Variants in WDPCP observed in about 807,000 individuals in gnomAD.
WDPCP encodes the protein WD repeat-containing and planar cell polarity effector protein fritz homolog.
A neutral mutation model predicts 93.1 loss-of-function variants in WDPCP; 71 were observed. The ratio of observed to expected loss-of-function variants is 0.76; its 90% CI spans 0.63 to 0.93. The LOEUF (loss-of-function observed/expected upper bound fraction) is 0.93, where lower values mean the gene tolerates loss of function less well. WDPCP is among the 40% of genes least tolerant of loss of function. The pLI is 0.00. For synonymous variants in WDPCP, 315 were observed against 315.0 expected, an observed-to-expected ratio of 1.00 and a Z score of 0.00; for missense variants, 844 against 887.4, an observed-to-expected ratio of 0.95 and a Z score of 0.62.
chr2:63,414,470 T>TACAC (rs563655098), intron 9 of WDPCP, among the ~76,000 whole-genome samples: 1,581 of 117,100 alleles, frequency 0.014, 13 homozygotes, highest in South Asian at 0.031. Flanking sequence ...TACACACACA[T>TACAC]ATACACACAC....
chr2:63,229,887 A>G, intron 14 of WDPCP: 1 of 151,386 alleles, frequency 6.6e-6, no homozygotes, highest in South Asian at 1.7e-4. Context: ...TTCTCCAGAA[A>G]AAGGAAAAAA....
intron 17 of WDPCP, among the ~76,000 whole-genome samples, chr2:63,151,281 G>A (rs1574736508): frequency 6.6e-6 from 1 of 152,174 alleles, no homozygotes; most frequent in African/African-American, 2.4e-5. Context: ...GTGGAGTGCA[G>A]TGGTGTGATC....
At chr2:63,423,891 CCA>C (rs769947491) in intron 9 of WDPCP, among the ~76,000 whole-genome samples, 11 of 152,080 alleles carry the variant, frequency 7.2e-5, no homozygotes, top group Non-Finnish European at 1.3e-4. Flanking sequence ...CGTACCTCTA[CCA>C]CTGAGAGAGA....
chr2:63,171,335 G>A (rs959387955), intron 15 of WDPCP, among the ~76,000 whole-genome samples: 7 of 152,136 alleles, frequency 4.6e-5, no homozygotes, highest in African/African-American at 1.7e-4. Flanking sequence ...AGAATACATA[G>A]AAGTATCTTA....
In WDPCP at chr2:63,329,330, C is replaced by T. The variant is rs375047135; in HGVS notation, c.1749-16019G>A. Among the ~76,000 whole-genome samples, 5 of 152,170 alleles carry T rather than the reference C, an allele frequency of 3.3e-5. No homozygotes were observed. In the East Asian group the frequency reaches 5.8e-4, roughly 18 times the overall value. ...TTATTTTACTCAGCAAAATGTGCTC[C>T]GGGTTCATCCATGTTATAATTTCCT... is the stretch of plus-strand genomic sequence containing the variant. On this transcript the variant is annotated intron_variant, in intron 12 of 17. Transcript: ENST00000272321.
At chr2:63,343,125 C>T (rs1041735520) in intron 12 of WDPCP, among the ~76,000 whole-genome samples, 8 of 152,054 alleles carry the variant, frequency 5.3e-5, no homozygotes, top group South Asian at 2.1e-4. Context: ...CTCAGCCTTC[C>T]GAGTAGCTGG....
At chr2:63,552,720 C>A (rs1015485811) in intron 1 of WDPCP, among the ~76,000 whole-genome samples, 6 of 151,962 alleles carry the variant, frequency 3.9e-5, no homozygotes, top group African/African-American at 1.5e-4. Context: ...ATAAAAGGCA[C>A]TAACAAAAAA....
chr2:63,525,902 T>C (rs1290028162), intron 1 of WDPCP, among the ~76,000 whole-genome samples: 1 of 152,202 alleles, frequency 6.6e-6, no homozygotes, highest in Middle Eastern at 3.2e-3. Context: ...TCTGTGTCTG[T>C]AATATAGGTA....
intron 2 of WDPCP, among the ~76,000 whole-genome samples, chr2:63,711,266 C>T (rs1265491224): frequency 6.6e-6 from 1 of 152,068 alleles, no homozygotes; most frequent in Non-Finnish European, 1.5e-5. Context: ...AGAGAGGAAG[C>T]ATGGGAGAGC....
chr2:63,410,408 A>G (rs1694938206), intron 9 of WDPCP, among the ~76,000 whole-genome samples: 1 of 152,244 alleles, frequency 6.6e-6, no homozygotes, highest in Admixed American at 6.5e-5. Context: ...ACATCAAAAC[A>G]GAACACCTTT....
At chr2:63,128,626 A>T (rs1670080080) in intron 17 of WDPCP, among the ~76,000 whole-genome samples, 1 of 152,138 alleles carries the variant, frequency 6.6e-6, no homozygotes, top group Non-Finnish European at 1.5e-5. Context: ...GTACTCAATA[A>T]ATAACAATTT....
chr2:63,292,165 A>C (rs529462440), intron 13 of WDPCP, among the ~76,000 whole-genome samples: 37 of 151,736 alleles, frequency 2.4e-4, no homozygotes, highest in Non-Finnish European at 4.4e-4. Context: ...AAAGAAAAGA[A>C]AAGACAAACC....
Position 63,153,536 on chromosome 2 carries a change from A to G in WDPCP, c.2117T>C (p.Ile706Thr). 1 of 1,612,586 alleles carries G rather than the reference A, an allele frequency of 6.2e-7. No individual in the cohort carries two copies. Among genetic ancestry groups the G allele is most frequent in the Non-Finnish European group, 8.5e-7 (1 of 1,179,176 alleles). Residue 706 changes from isoleucine (I) to threonine (T), a missense_variant, in exon 16 of 18, where the codon ATC becomes ACC. Ile to Thr is a moderately conservative substitution (Grantham distance 89). Coordinates refer to ENST00000272321, the MANE Select transcript of WDPCP (RefSeq NM_015910.7). ...ATTAGTCATCAAAAATCCAGAACAG[A>G]TGTCTTTTTCAAGTTCATTCCTTCT... ...IDRRNELEKD[I>T]CSGFLMTNTC...
intron 3 of WDPCP, chr2:63,605,424 CTA>C (rs768919828): frequency 1.4e-6 from 2 of 1,450,976 alleles, no homozygotes; most frequent in Non-Finnish European, 1.9e-6. Flanking sequence ...ACAGGTCACT[CTA>C]TTTTATTTTT....
chr2:63,557,954 C>G (rs781428276), intron 1 of WDPCP, among the ~76,000 whole-genome samples: 1 of 151,954 alleles, frequency 6.6e-6, no homozygotes, highest in African/African-American at 2.4e-5. Flanking sequence ...CCAAAGAGAA[C>G]AAAGAGAAAA....
chr2:63,206,332 T>C (rs1161990663), intron 14 of WDPCP, among the ~76,000 whole-genome samples: 2 of 152,246 alleles, frequency 1.3e-5, no homozygotes, highest in African/African-American at 4.8e-5. Flanking sequence ...GGTTCTCTAC[T>C]ATGAGCATTA....
At chr2:63,682,658 G>C (rs574616122) in intron 2 of WDPCP, among the ~76,000 whole-genome samples, 5 of 152,080 alleles carry the variant, frequency 3.3e-5, no homozygotes, top group Admixed American at 3.3e-4. Flanking sequence ...TCTAAACCTA[G>C]AGAAAGATAT....
At chr2:63,830,873 T>C, upstream of WDPCP, among the ~76,000 whole-genome samples, 1 of 152,204 alleles carries the variant, frequency 6.6e-6, no homozygotes, top group East Asian at 1.9e-4. Context: ...TTTAAAAAAC[T>C]ATATGTTGAC....
At chr2:63,546,556 GTTACAGTCCAAA>G (rs1385441170) in intron 1 of WDPCP, among the ~76,000 whole-genome samples, 2 of 152,198 alleles carry the variant, frequency 1.3e-5, no homozygotes, top group East Asian at 3.8e-4. Flanking sequence ...ACTGCATACA[GTTACAGTCCAAA>G]TTATCTTGAC....
Sources: gnomAD v4.1 joint callset for allele counts (sites outside exome capture counted in the v4.1 genomes callset) on GRCh38, gnomAD v4.1.1 for gene constraint, MANE v1.5 for transcripts, NCBI Gene and HGNC (gene_info 2026-07-23, HGNC 2026-07-21) for gene names.